The following SLC12A1 variants were observed in gnomAD, a reference collection of about 807,000 sequenced individuals.
SLC12A1 encodes the protein Na-K-2Cl cotransporter.
In SLC12A1, 89 loss-of-function variants were observed where a neutral mutation model predicts 130.4. The ratio of observed to expected loss-of-function variants is 0.68; its 90% CI spans 0.58 to 0.81. The LOEUF is 0.81. Among genes scored for constraint, SLC12A1 ranks in the 40% least tolerant of loss-of-function variants. The pLI is 0.00. For synonymous variants in SLC12A1, 499 were observed against 460.0 expected (o/e 1.08, Z -1.09); for missense variants, 1,310 against 1,336.4 (o/e 0.98, Z 0.31).
intron 2 of SLC12A1, among the ~76,000 whole-genome samples, chr15:48,212,061 G>A (rs1295396890): frequency 6.6e-6 from 1 of 152,110 alleles, no homozygotes; most frequent in Non-Finnish European, 1.5e-5. Context: ...TATCTTGCAA[G>A]ATGCTTGTGA....
intron 8 of SLC12A1, 40 bp downstream of exon 8, chr15:48,232,878 T>A (rs1272539650): frequency 1.7e-6 from 2 of 1,165,202 alleles, no homozygotes. Context: ...TAAATACTTC[T>A]CCATTGCCCT....
chr15:48,221,400 G>A (rs1389805899), intron 4 of SLC12A1: 3 of 700,710 alleles, frequency 4.3e-6, no homozygotes, highest in South Asian at 3.0e-5. Flanking sequence ...TGAGAAAACT[G>A]GTGAAAATGT....
At chr15:48,272,414 AGTTTTTTGTTTGTTTGTTTGTTT>A in intron 19 of SLC12A1, among the ~76,000 whole-genome samples, 1 of 128,066 alleles carries the variant, frequency 7.8e-6, no homozygotes, top group Non-Finnish European at 1.6e-5. Flanking sequence ...AGTATGGTTT[AGTTTTTTGTTTGTTTGTTTGTTT>A]GTTTTTTAAG....
At chr15:48,230,615 G>A (rs1039385040) in intron 7 of SLC12A1, 112 bp downstream of exon 7, 1 of 725,688 alleles carries the variant, frequency 1.4e-6, no homozygotes, top group Middle Eastern at 2.7e-4. Flanking sequence ...ACCTGCTATG[G>A]TGAAATGAGC....
At chr15:48,260,348 TCACACACACACACACACA>T (rs10673427) in intron 17 of SLC12A1, among the ~76,000 whole-genome samples, 1 of 144,442 alleles carries the variant, frequency 6.9e-6, no homozygotes, top group African/African-American at 2.6e-5. Context: ...TCTCTCTCTA[TCACACACACACACACACA>T]CACACACACA....
At chr15:48,229,049 C>T (rs965757794) in intron 5 of SLC12A1, 140 bp from the exon 6 acceptor site, 2 of 902,448 alleles carry the variant, frequency 2.2e-6, no homozygotes, top group Non-Finnish European at 3.3e-6. Flanking sequence ...CTGGGTAACA[C>T]AGGATTCCTA....
rs1025776418 is a variant in SLC12A1 at position 48,289,428 on chromosome 15, T to A, written c.2873+912T>A. 5.9e-3 allele frequency among the ~76,000 whole-genome samples: 632 copies of A among 106,792 alleles called. 8 individuals are homozygous for A. The highest frequency in any genetic ancestry group is 8.2e-3 in the Non-Finnish European group (414 of 50,534). 70.1% of individuals were successfully genotyped at this position (106,792 alleles called of 152,430 possible). ...ATATATATATATATATATATATATA[T>A]AATGTATAACTATGTATAACTGTAT... On this transcript the variant is annotated intron_variant, in intron 23 of 26. Transcript: ENST00000380993.
intron 21 of SLC12A1, among the ~76,000 whole-genome samples, chr15:48,286,660 T>C (rs532832372): frequency 1.3e-5 from 2 of 152,348 alleles, no homozygotes; most frequent in African/African-American, 2.4e-5. Context: ...AATACTTGTT[T>C]TGGCAAAAAT....
Position 48,244,816 on chromosome 15 carries a change from G to A in SLC12A1, c.1364G>A (p.Cys455Tyr). 1 of 1,613,918 alleles carries A rather than the reference G, an allele frequency of 6.2e-7. No homozygotes were observed. Among genetic ancestry groups the A allele is most frequent in the South Asian group, 1.1e-5 (1 of 91,078 alleles). ...GACACCATCATTTCTGGGATGAACTGCAATGGTTCAGCAGCATGTGGGTTG... is the reference window on the plus strand; with the variant it reads ...GACACCATCATTTCTGGGATGAACTACAATGGTTCAGCAGCATGTGGGTTG... ...MNDTIISGMN[C>Y]NGSAACGLGY... Residue 455 changes from cysteine to tyrosine, a missense_variant, in exon 11 of 27, where the codon TGC becomes TAC. By Grantham distance (194) the Cys-to-Tyr change is radical (BLOSUM62 -2). Transcript: ENST00000380993.
At chr15:48,246,777 C>A (rs2041586176) in intron 11 of SLC12A1, 132 bp from the exon 12 acceptor site, 1 of 596,248 alleles carries the variant, frequency 1.7e-6, no homozygotes, top group Non-Finnish European at 2.9e-6. Context: ...GAGACTGTCT[C>A]AAACAAACAA....
Position 48,301,296 on chromosome 15 carries a change from A to C in SLC12A1, c.3097-19A>C. On this transcript the variant is annotated intron_variant, in intron 25 of 26. Transcript: ENST00000380993. ...ATTCTGGTAGAACTGTACTCAACAA[A>C]TCTGAATGTTGCCCACAGAGTTACC... 2 of 1,575,626 alleles carry C rather than the reference A, an allele frequency of 1.3e-6. No individual in the cohort carries two copies. Among genetic ancestry groups the C allele is most frequent in the Non-Finnish European group, 8.7e-7 (1 of 1,153,428 alleles).
intron 25 of SLC12A1, among the ~76,000 whole-genome samples, chr15:48,300,894 C>T (rs946164832): frequency 3.9e-5 from 6 of 152,176 alleles, no homozygotes; most frequent in African/African-American, 1.4e-4. Context: ...AAGATTCAAT[C>T]GGTTTCTTTT....
intron 13 of SLC12A1, among the ~76,000 whole-genome samples, chr15:48,249,374 C>CT (rs2041621750): frequency 6.6e-6 from 1 of 152,060 alleles, no homozygotes; most frequent in Admixed American, 6.6e-5. Flanking sequence ...GATTGGTAGG[C>CT]TTTTTTATTA....
At chr15:48,265,022 A>G (rs60535148) in intron 17 of SLC12A1, among the ~76,000 whole-genome samples, 205 of 152,300 alleles carry the variant, frequency 1.3e-3, no homozygotes, top group African/African-American at 4.8e-3. Context: ...TAATATTATA[A>G]TGGGGTAGTA....
At chr15:48,241,461 C>A in intron 9 of SLC12A1, 54 bp from the exon 10 acceptor site, 1 of 1,334,160 alleles carries the variant, frequency 7.5e-7, no homozygotes, top group Non-Finnish European at 1.1e-6. Flanking sequence ...TCCAAGTGAT[C>A]TATGGTTCTT....
intron 15 of SLC12A1, among the ~76,000 whole-genome samples, chr15:48,254,204 T>C (rs2041678157): frequency 6.9e-6 from 1 of 145,656 alleles, no homozygotes. Flanking sequence ...AGGTATCTTT[T>C]TCTTATCCAG....
At chr15:48,233,082 C>A (rs1453089207) in intron 8 of SLC12A1, among the ~76,000 whole-genome samples, 3 of 152,148 alleles carry the variant, frequency 2.0e-5, no homozygotes, top group Non-Finnish European at 4.4e-5. Flanking sequence ...GTTTTAGAAC[C>A]AGAAAATATA....
At chr15:48,244,954 A>T (rs1426456719) in intron 11 of SLC12A1, 50 bp downstream of exon 11, 2 of 1,540,778 alleles carry the variant, frequency 1.3e-6, no homozygotes, top group Non-Finnish European at 1.8e-6. Context: ...TCATTTTTTG[A>T]ATGTCACATA....
intron 15 of SLC12A1, among the ~76,000 whole-genome samples, chr15:48,255,541 T>C (rs143544329): frequency 3.7e-4 from 57 of 152,276 alleles, no homozygotes; most frequent in African/African-American, 1.3e-3. Context: ...TCGCACAGCC[T>C]CTCCCACCAA....
Sources: gnomAD v4.1 joint callset for allele counts (sites outside exome capture counted in the v4.1 genomes callset) on GRCh38, gnomAD v4.1.1 for gene constraint, MANE v1.5 for transcripts, NCBI Gene and HGNC (gene_info 2026-07-23, HGNC 2026-07-21) for gene names.